The following TGFBRAP1 variants were observed in gnomAD, a reference collection of about 807,000 sequenced individuals.
TGFBRAP1 encodes transforming growth factor-beta receptor-associated protein 1.
A neutral mutation model predicts 83.2 loss-of-function variants in TGFBRAP1; 20 were observed. The observed-to-expected ratio is 0.24, with a 90% CI of 0.17 to 0.35. TGFBRAP1 has a LOEUF of 0.35. Among genes scored for constraint, TGFBRAP1 ranks in the 10% least tolerant of loss-of-function variants. TGFBRAP1 has a pLI of 1.00. For synonymous variants in TGFBRAP1, 415 were observed against 459.8 expected, an observed-to-expected ratio of 0.90 and a Z score of 1.25; for missense variants, 950 against 1,099.4, an observed-to-expected ratio of 0.86 and a Z score of 1.92.
intron 4 of TGFBRAP1, among the ~76,000 whole-genome samples, chr2:105,288,065 T>G (rs1207187699): frequency 6.6e-6 from 1 of 152,204 alleles, no homozygotes; most frequent in Non-Finnish European, 1.5e-5. Context: ...AGTCATTTAC[T>G]GCAACTCAGA....
At chr2:105,325,467 C>T (rs1461040379) in intron 1 of TGFBRAP1, among the ~76,000 whole-genome samples, 2 of 152,132 alleles carry the variant, frequency 1.3e-5, no homozygotes, top group Admixed American at 6.5e-5. Context: ...TTGTTCGTGA[C>T]TCCAAGGCCA....
At chr2:105,314,601 T>C (rs377384945) in intron 1 of TGFBRAP1, among the ~76,000 whole-genome samples, 1 of 151,996 alleles carries the variant, frequency 6.6e-6, no homozygotes, top group African/African-American at 2.4e-5. Flanking sequence ...CGATCTCAGT[T>C]CAACACTGTA....
chr2:105,291,442 A>C (rs1302461277), intron 4 of TGFBRAP1, among the ~76,000 whole-genome samples: 1 of 152,164 alleles, frequency 6.6e-6, no homozygotes, highest in African/African-American at 2.4e-5. Flanking sequence ...GTAGTTTTTT[A>C]ATCTCTCAGT....
chr2:105,288,052 T>C (rs1677775801), intron 4 of TGFBRAP1, among the ~76,000 whole-genome samples: 1 of 152,128 alleles, frequency 6.6e-6, no homozygotes, highest in African/African-American at 2.4e-5. Flanking sequence ...AGGAATATAA[T>C]GGAGTCATTT....
intron 8 of TGFBRAP1, among the ~76,000 whole-genome samples, chr2:105,274,011 C>T (rs76233810): frequency 0.012 from 1,868 of 152,336 alleles, 50 homozygotes; most frequent in African/African-American, 0.043. Flanking sequence ...AAAGCATTTA[C>T]TGGTGACAGA....
chr2:105,301,450 G>T (rs1678287230), intron 2 of TGFBRAP1, among the ~76,000 whole-genome samples: 1 of 151,824 alleles, frequency 6.6e-6, no homozygotes, highest in African/African-American at 2.4e-5. Flanking sequence ...AGCCAGGAAT[G>T]ATGGCACCCA....
intron 1 of TGFBRAP1, among the ~76,000 whole-genome samples, chr2:105,320,726 A>C (rs1457533338): frequency 6.6e-6 from 1 of 152,200 alleles, no homozygotes; most frequent in East Asian, 1.9e-4. Flanking sequence ...TTATTGTATA[A>C]GCTACAATCA....
In TGFBRAP1 at chr2:105,279,867, G is replaced by A. The variant is rs549020579; in HGVS notation, c.1463+515C>T. 1.9e-3 allele frequency among the ~76,000 whole-genome samples: 286 copies of A among 151,896 alleles called. 1 individual carries two copies. Among genetic ancestry groups the A allele is most frequent in the African/African-American group, 6.5e-3 (271 of 41,452 alleles). ...AGCCTGGCCAACATGGCAAAACCCC[G>A]TCTCTACTAAAAATACAAAAATTAC... On this transcript the variant is annotated intron_variant, in intron 6 of 11. Transcript: ENST00000393359.
intron 1 of TGFBRAP1, among the ~76,000 whole-genome samples, chr2:105,329,406 A>G (rs1467906808): frequency 1.3e-5 from 2 of 151,796 alleles, no homozygotes; most frequent in Non-Finnish European, 2.9e-5. Flanking sequence ...AGGGACAGCT[A>G]CCAAGTCGCA....
chr2:105,292,003 A>AT (rs1677932608), intron 4 of TGFBRAP1, among the ~76,000 whole-genome samples: 1 of 152,206 alleles, frequency 6.6e-6, no homozygotes, highest in South Asian at 2.1e-4. Flanking sequence ...TGAGTGGAGG[A>AT]TTTTGTCTCC....
chr2:105,264,100 C>T (rs1369633507), downstream of TGFBRAP1, among the ~76,000 whole-genome samples: 1 of 152,154 alleles, frequency 6.6e-6, no homozygotes, highest in Non-Finnish European at 1.5e-5. Flanking sequence ...TGAATATGCT[C>T]AGGGTTAGAA....
chr2:105,280,752 G>C (rs771248165), intron 5 of TGFBRAP1, 29 bp from the exon 6 acceptor site: 3 of 1,586,728 alleles, frequency 1.9e-6, no homozygotes, highest in South Asian at 2.3e-5. Context: ...ACTAAATGAA[G>C]CAAAAAGAGA....
At chr2:105,305,897 T>G (rs566663502) in intron 2 of TGFBRAP1, among the ~76,000 whole-genome samples, 1 of 152,124 alleles carries the variant, frequency 6.6e-6, no homozygotes, top group East Asian at 1.9e-4. Flanking sequence ...TCAGGTGATC[T>G]GCCTGCTTCG....
chr2:105,274,441 G>A (rs1394165649), intron 8 of TGFBRAP1, among the ~76,000 whole-genome samples: 1 of 152,170 alleles, frequency 6.6e-6, no homozygotes, highest in Admixed American at 6.5e-5. Flanking sequence ...GATTCTATAA[G>A]CCTGGATTTG....
At chr2:105,319,716 A>G (rs1208714225) in intron 1 of TGFBRAP1, among the ~76,000 whole-genome samples, 3 of 149,926 alleles carry the variant, frequency 2.0e-5, no homozygotes, top group Non-Finnish European at 4.4e-5. Context: ...GAAAGAAAAA[A>G]AAAGAGGCTT....
At chr2:105,250,943 C>T in the TGFBRAP1 span, among the ~76,000 whole-genome samples, 5 of 152,232 alleles carry the variant, frequency 3.3e-5, no homozygotes, top group Admixed American at 6.5e-5. Context: ...GACGGAGTCG[C>T]GTTCACTCAG....
At chr2:105,257,802 G>C in the TGFBRAP1 span, among the ~76,000 whole-genome samples, 1 of 152,104 alleles carries the variant, frequency 6.6e-6, no homozygotes, top group East Asian at 1.9e-4. Flanking sequence ...CTCCCATTGG[G>C]TCCAGACAGA....
chr2:105,282,831 GA>G (rs11288685), intron 5 of TGFBRAP1, among the ~76,000 whole-genome samples: 47,485 of 132,878 alleles, frequency 0.36, 7,988 homozygotes, highest in East Asian at 0.65. Flanking sequence ...GCTTCAAAAC[GA>G]AAAAAAAAAA....
intron 4 of TGFBRAP1, among the ~76,000 whole-genome samples, chr2:105,289,329 C>T (rs369366585): frequency 3.3e-5 from 5 of 152,118 alleles, no homozygotes; most frequent in African/African-American, 1.2e-4. Context: ...TTTCTTTTAA[C>T]CACATGCATG....
Sources: allele counts gnomAD v4.1 joint callset (sites outside exome capture counted in the v4.1 genomes callset), GRCh38; gene constraint gnomAD v4.1.1; transcripts MANE v1.5; gene names NCBI Gene and HGNC (gene_info 2026-07-23, HGNC 2026-07-21).